Variants in DHX32 observed in about 807,000 individuals in gnomAD.
The protein encoded by DHX32 is DEAH-box helicase 32 (putative), also known as putative pre-mRNA-splicing factor ATP-dependent RNA helicase DHX32.
A neutral mutation model predicts 70.0 loss-of-function variants in DHX32; 51 were observed. The observed-to-expected ratio is 0.73, with a 90% confidence interval of 0.58 to 0.92. The LOEUF (loss-of-function observed/expected upper bound fraction) is 0.92, where lower values mean the gene tolerates loss of function less well. Among genes scored for constraint, DHX32 ranks in the 40% least tolerant of loss-of-function variants. The pLI, the probability that DHX32 is intolerant of heterozygous loss-of-function variation, is 0.00. For synonymous variants in DHX32, 310 were observed against 315.3 expected, an observed-to-expected ratio of 0.98 and a Z score of 0.18; for missense variants, 762 against 891.8, an observed-to-expected ratio of 0.85 and a Z score of 1.85.
chr10:125,844,157 C>G (rs983119187), intron 6 of DHX32, among the ~76,000 whole-genome samples: 1 of 152,150 alleles, frequency 6.6e-6, no homozygotes, highest in Non-Finnish European at 1.5e-5. Context: ...TTCAAGAGTT[C>G]TATCAGTGAG....
chr10:125,849,298 G>T (rs1686654092), intron 6 of DHX32, among the ~76,000 whole-genome samples: 1 of 152,184 alleles, frequency 6.6e-6, no homozygotes, highest in Admixed American at 6.5e-5. Context: ...AAGCCATATA[G>T]TTCCCAGGCC....
intron 1 of DHX32, among the ~76,000 whole-genome samples, chr10:125,888,074 A>C (rs1944349579): frequency 6.6e-6 from 1 of 152,172 alleles, no homozygotes; most frequent in South Asian, 2.1e-4. Context: ...GATCTGACTC[A>C]TAGTTTGTAA....
intron 6 of DHX32, 27 bp downstream of exon 6, chr10:125,852,266 C>G (rs773593835): frequency 6.2e-7 from 1 of 1,608,874 alleles, no homozygotes; most frequent in African/African-American, 1.3e-5. Context: ...AGCCTAATGC[C>G]TGGCTGACAT....
rs73381231 is a variant in DHX32, at chr10:125,837,206, G to C, written c.2064-351C>G. Among the ~76,000 whole-genome samples the C allele has an allele frequency of 4.8e-3, 732 of 152,238 alleles. 8 individuals carry two copies. Among genetic ancestry groups the C allele is most frequent in the African/African-American group, 0.016 (666 of 41,522 alleles). The stretch of plus-strand genomic sequence containing the variant: ...GAGAGCTTTGGGTAGGGGAGAGAGG[G>C]GGTATCTTTGCTTCTTATTTTAACT... On this transcript the variant is annotated intron_variant, in intron 10 of 10. Transcript: ENST00000284690.
rs780141088 is a variant in DHX32, at chr10:125,859,888, A to G, written c.564T>C (p.His188=). 1 of 1,614,126 alleles carries G rather than the reference A, an allele frequency of 6.2e-7. No individual in the cohort carries two copies. Among genetic ancestry groups the G allele is most frequent in the African/African-American group, 1.3e-5 (1 of 75,064 alleles). Residue 188 remains histidine, a synonymous_variant, in exon 3 of 11, where the codon CAT becomes CAC. Coordinates refer to ENST00000284690, the MANE Select transcript of DHX32 (RefSeq NM_018180.3). ...ACACATCAGTTGCAATGCTTCTTTC[A>G]TGAATATCATCTAAGATGATGACCC... is the stretch of plus-strand genomic sequence containing the variant. ...SYGVIILDDI[H]ERSIATDVLL...
intron 6 of DHX32, among the ~76,000 whole-genome samples, chr10:125,845,935 CA>C (rs1944011934): frequency 1.3e-5 from 2 of 152,258 alleles, no homozygotes; most frequent in African/African-American, 4.8e-5. Context: ...AGACCTTTGA[CA>C]GCCACAGGCA....
Position 125,836,630 on chromosome 10 carries a change from C to T in DHX32, c.*57G>A. The T allele has an allele frequency of 6.3e-7, 1 of 1,579,860 alleles. No homozygotes were observed. The highest frequency in any genetic ancestry group is 8.6e-7 in the Non-Finnish European group (1 of 1,160,050). ...CGCGTCATGTATCTCCCATATCCAG[C>T]AGTTCAGCCATCCAGCTACCTTTGG... On this transcript the variant is annotated 3_prime_UTR_variant, in exon 11 of 11. Transcript: ENST00000284690.
chr10:125,863,927 T>C (rs1944204458), intron 2 of DHX32, among the ~76,000 whole-genome samples: 1 of 152,196 alleles, frequency 6.6e-6, no homozygotes, highest in Non-Finnish European at 1.5e-5. Context: ...ATAAATTTAA[T>C]AGTCCTCACA....
At chr10:125,879,609 G>A (rs1022259906) in intron 1 of DHX32, among the ~76,000 whole-genome samples, 8 of 152,108 alleles carry the variant, frequency 5.3e-5, no homozygotes, top group East Asian at 1.9e-4. Context: ...TGAGTGCTGC[G>A]TAATTCATGA....
rs916289244 is a variant in DHX32 at position 125,859,705 on chromosome 10, A to C, written c.747T>G (p.Ser249Arg). ...ACTCAAAAGAATCCTTTTGAGCCTC[A>C]CTAAGGTACACAACCTCCACAGGGT... ...NKHPVEVVYL[S>R]EAQKDSFESI... The change falls in exon 3 of 11, where the codon AGT (serine) becomes AGG (arginine). Residue 249 changes from serine to arginine, a missense_variant. By Grantham distance (110) the Ser-to-Arg change is moderately radical. Coordinates refer to ENST00000284690, the MANE Select transcript of DHX32 (RefSeq NM_018180.3). 1 of 1,614,002 alleles carries C rather than the reference A, an allele frequency of 6.2e-7. No homozygotes were observed. Among genetic ancestry groups the C allele is most frequent in the African/African-American group, 1.3e-5 (1 of 74,928 alleles).
At chr10:125,852,677 T>A (rs944227273) in intron 4 of DHX32, 35 bp from the exon 5 acceptor site, 1 of 1,564,228 alleles carries the variant, frequency 6.4e-7, no homozygotes, top group African/African-American at 1.4e-5. Context: ...TAGCGTCAGA[T>A]AAGTCATGAT....
At chr10:125,869,905 C>T (rs1284819464) in intron 1 of DHX32, among the ~76,000 whole-genome samples, 1 of 152,062 alleles carries the variant, frequency 6.6e-6, no homozygotes, top group African/African-American at 2.4e-5. Context: ...AAGGCTTGGG[C>T]TTAGTGCTAA....
chr10:125,891,500 A>T (rs1318969223), intron 1 of DHX32, among the ~76,000 whole-genome samples: 4 of 152,294 alleles, frequency 2.6e-5, no homozygotes, highest in Non-Finnish European at 5.9e-5. Context: ...AGCACTTTGG[A>T]AGGCTGAGGC....
At chr10:125,864,128 A>G (rs1351296290) in intron 2 of DHX32, among the ~76,000 whole-genome samples, 1 of 152,194 alleles carries the variant, frequency 6.6e-6, no homozygotes, top group Admixed American at 6.5e-5. Context: ...ATTTTATCAT[A>G]GGGGTCTTTT....
chr10:125,836,511 A>C lies in DHX32; in HGVS notation c.*176T>G. On this transcript the variant is annotated 3_prime_UTR_variant, in exon 11 of 11. Coordinates refer to ENST00000284690, the MANE Select transcript of DHX32 (RefSeq NM_018180.3). ...GAAGAAAAGCATGGAGTAGTAATTT[A>C]AAGAACTCAATAAAAACTTCTATTT... 1.5e-6 allele frequency: 2 copies of C among 1,351,572 alleles called. No individual in the cohort carries two copies. Among genetic ancestry groups the C allele is most frequent in the Non-Finnish European group, 1.9e-6 (2 of 1,036,550 alleles). 83.7% of individuals were successfully genotyped at this position (1,351,572 alleles called of 1,614,324 possible).
chr10:125,871,043 A>G (rs1944252741), intron 1 of DHX32, among the ~76,000 whole-genome samples: 1 of 152,198 alleles, frequency 6.6e-6, no homozygotes, highest in Admixed American at 6.5e-5. Flanking sequence ...TTCGAACTCT[A>G]AAATTCGACA....
chr10:125,860,461 C>T (rs1482939935), intron 2 of DHX32, among the ~76,000 whole-genome samples: 3 of 152,144 alleles, frequency 2.0e-5, no homozygotes, highest in African/African-American at 7.2e-5. Context: ...TTAGGACAGA[C>T]ACTATTATTG....
chr10:125,866,515 C>T lies in DHX32; in HGVS notation c.476+475G>A, dbSNP rs75108243. 4.1e-3 allele frequency among the ~76,000 whole-genome samples: 631 copies of T among 152,266 alleles called. 12 individuals are homozygous for T. The highest frequency in any genetic ancestry group is 0.014 in the African/African-American group (567 of 41,556). ...TTTCTAATGTGTATTACTGGAGGGG[C>T]AGGGAAGCCTTCCTGGAGTAGGTGG... On this transcript the variant is annotated intron_variant, in intron 2 of 10. Transcript: ENST00000284690. The surrounding 1 kb of genome is among the most constrained non-coding windows in gnomAD (Gnocchi z 4.8).
chr10:125,841,426 T>C (rs1165510546), intron 7 of DHX32: 1 of 1,581,250 alleles, frequency 6.3e-7, no homozygotes, highest in Non-Finnish European at 8.6e-7. Context: ...CAACATTATT[T>C]GGGGAAAAAC....
Sources: gnomAD v4.1 joint callset for allele counts (sites outside exome capture counted in the v4.1 genomes callset) on GRCh38, gnomAD v4.1.1 for gene constraint, Gnocchi (gnomAD v3.1) non-coding constraint, MANE v1.5 for transcripts, NCBI Gene and HGNC (gene_info 2026-07-23, HGNC 2026-07-21) for gene names.